ZNF626: variants seen among roughly 807,000 people sequenced by gnomAD.
The protein encoded by ZNF626 is CTC-513N18.7.
In ZNF626, 4 loss-of-function variants were observed where a neutral mutation model predicts 11.7. That is an observed-to-expected ratio of 0.34 (90% CI 0.17 to 0.78). The LOEUF (loss-of-function observed/expected upper bound fraction) is 0.78. Among genes scored for constraint, ZNF626 ranks in the 30% least tolerant of loss-of-function variants. ZNF626 has a pLI of 0.57. For synonymous variants in ZNF626, 179 were observed against 198.6 expected (o/e 0.90, Z 0.83); for missense variants, 588 against 587.1 (o/e 1.00, Z -0.01).
chr19:20,654,206 C>T (rs1037305788), intron 1 of ZNF626, among the ~76,000 whole-genome samples: 3 of 150,866 alleles, frequency 2.0e-5, no homozygotes, highest in Non-Finnish European at 4.4e-5. Flanking sequence ...TTTGGGAGGC[C>T]GAGGCAGGTG....
intron 1 of ZNF626, among the ~76,000 whole-genome samples, chr19:20,652,232 G>A (rs1233611533): frequency 2.0e-5 from 3 of 150,508 alleles, no homozygotes; most frequent in African/African-American, 4.9e-5. Context: ...AGCAAGTGGA[G>A]TACAAACGAA....
chr19:20,654,901 A>G (rs974648549), intron 1 of ZNF626, among the ~76,000 whole-genome samples: 8 of 152,100 alleles, frequency 5.3e-5, no homozygotes, highest in African/African-American at 9.7e-5. Context: ...ACCTGAGGTC[A>G]GCAGTTCAAG....
intron 3 of ZNF626, among the ~76,000 whole-genome samples, chr19:20,644,281 T>C (rs1181342395): frequency 6.6e-6 from 1 of 152,230 alleles, no homozygotes; most frequent in Admixed American, 6.5e-5. Context: ...CACATCCTGA[T>C]TTAAGGCCCA....
chr19:20,655,088 G>A (rs994357341), intron 1 of ZNF626, among the ~76,000 whole-genome samples: 1 of 147,580 alleles, frequency 6.8e-6, no homozygotes, highest in African/African-American at 2.6e-5. Context: ...CTCCAGCCTC[G>A]GCAACAGAGT....
chr19:20,649,770 G>C (rs944060359), intron 1 of ZNF626, among the ~76,000 whole-genome samples: 4 of 152,266 alleles, frequency 2.6e-5, no homozygotes, highest in Middle Eastern at 3.4e-3. Context: ...GTTTGAAAAG[G>C]GTCCATGAAT....
chr19:20,651,282 C>A (rs1970143468), intron 1 of ZNF626, among the ~76,000 whole-genome samples: 1 of 151,228 alleles, frequency 6.6e-6, no homozygotes, highest in Non-Finnish European at 1.5e-5. Flanking sequence ...TATAAAGTGG[C>A]AAATAATGTC....
chr19:20,623,771 A>C lies in ZNF626; in HGVS notation c.*519T>G, dbSNP rs12150926. On this transcript the variant is annotated 3_prime_UTR_variant, in exon 4 of 4. Transcript: ENST00000601440. ...CCGAGACTGTGCTATTGCACACCAG[A>C]CTGGGTGACAAGAGTTGAAACTCCA... 201,679 of 247,304 alleles carry C rather than the reference A, an allele frequency of 0.82. 83,521 individuals are homozygous for C. Among genetic ancestry groups the C allele is most frequent in the Admixed American group, 0.87 (17,003 of 19,504 alleles). 15.3% of individuals were successfully genotyped at this position (247,304 alleles called of 1,614,324 possible).
chr19:20,637,723 C>T (rs1206807872), intron 3 of ZNF626, among the ~76,000 whole-genome samples: 1 of 150,460 alleles, frequency 6.6e-6, no homozygotes, highest in East Asian at 2.0e-4. Context: ...CATGCCAGTA[C>T]AAAATTAAAT....
chr19:20,625,108 AG>A lies in ZNF626; in HGVS notation c.768del (p.Tyr257ThrfsTer21). The A allele has an allele frequency of 6.2e-7, 1 of 1,613,294 alleles. No homozygotes were observed. The highest frequency in any genetic ancestry group is 1.1e-5 in the South Asian group (1 of 91,012). On this transcript the variant is annotated frameshift_variant, in exon 4 of 4. Coordinates refer to ENST00000601440, the MANE Select transcript of ZNF626 (RefSeq NM_001076675.3). LOFTEE classifies it low-confidence loss of function (END_TRUNC). Reference sequence around the variant, plus strand: ...GCTTTGCCACATTTATCACACTTGTAGGGTTTCTCTCCAGTATGATTTCTCT... The same window carrying A: ...GCTTTGCCACATTTATCACACTTGTAGGTTTCTCTCCAGTATGATTTCTCT... ...THKRNHTGEK[P>X]YKCDKCGKAF...
chr19:20,645,561 T>C, intron 3 of ZNF626, 123 bp downstream of exon 3: 1 of 1,551,510 alleles, frequency 6.4e-7, no homozygotes. Context: ...AAAAAATAGC[T>C]GCCCAAGAAC....
In ZNF626 at chr19:20,624,674, T is replaced by G. The variant is rs782055357; in HGVS notation, c.1203A>C (p.Glu401Asp). The change falls in exon 4 of 4, where the codon GAA (glutamate) becomes GAC (aspartate). Residue 401 changes from glutamate to aspartate, a missense_variant. Glu to Asp is a conservative substitution (Grantham distance 45). Transcript: ENST00000601440. ...HTGEKPYKCE[E>D]CGKAFKYSSN... is the part of the protein sequence containing the mutation. ...AGGAGTACTTAAAAGCTTTGCCACA[T>G]TCTTCACATTTGTAGGGTTTCTCTC... is the stretch of plus-strand genomic sequence containing the variant. The G allele has an allele frequency of 5.0e-6, 8 of 1,612,102 alleles. No individual in the cohort carries two copies. In the African/African-American group the frequency reaches 6.7e-5, roughly 13 times the overall value.
In ZNF626 at chr19:20,644,470, C is replaced by A. The variant is rs200186854; in HGVS notation, c.226+1214G>T. 2.6e-5 allele frequency among the ~76,000 whole-genome samples: 4 copies of A among 152,298 alleles called. No homozygotes were observed. The East Asian group carries it at 5.8e-4, about 22-fold the overall frequency. ...CAGCAGCCTTGTGACCAAGCTACAA[C>A]CCCTCTTCACTACAAATTCAGAGGG... is the stretch of plus-strand genomic sequence containing the variant. On this transcript the variant is annotated intron_variant, in intron 3 of 3. Transcript: ENST00000601440.
intron 3 of ZNF626, among the ~76,000 whole-genome samples, chr19:20,635,355 C>T (rs1969954848): frequency 6.6e-6 from 1 of 152,162 alleles, no homozygotes; most frequent in Admixed American, 6.5e-5. Context: ...ATACTTGTCA[C>T]TCTAACTCTC....
intron 1 of ZNF626, among the ~76,000 whole-genome samples, chr19:20,652,695 T>C (rs981748629): frequency 6.6e-6 from 1 of 152,166 alleles, no homozygotes; most frequent in Non-Finnish European, 1.5e-5. Flanking sequence ...GTCTCTGAGT[T>C]TGATAACTAA....
Position 20,625,412 on chromosome 19 carries a change from A to G in ZNF626, c.465T>C (p.His155=). 6.2e-7 allele frequency: 1 copy of G among 1,614,104 alleles called. No individual in the cohort carries two copies. Residue 155 remains histidine, a synonymous_variant, in exon 4 of 4, where the codon CAT becomes CAC. Coordinates refer to ENST00000601440, the MANE Select transcript of ZNF626 (RefSeq NM_001076675.3). ...TTTGTCCGTTTGAATTTGGAAATTG[A>G]TGAAGGACTTTCACATATTTATCAC... The part of the protein sequence containing the change: ...CQCDKYVKVL[H]QFPNSNGQKR...
chr19:20,641,919 A>G (rs1282336346), intron 3 of ZNF626, among the ~76,000 whole-genome samples: 1 of 117,608 alleles, frequency 8.5e-6, no homozygotes, highest in Non-Finnish European at 1.7e-5. Context: ...TTTTAAAACA[A>G]TGTTTAAAAA....
intron 3 of ZNF626, among the ~76,000 whole-genome samples, chr19:20,628,698 G>T (rs192719132): frequency 6.6e-6 from 1 of 152,270 alleles, no homozygotes; most frequent in East Asian, 1.9e-4. Flanking sequence ...TGTCAGATGA[G>T]CAGGTTGCAA....
intron 1 of ZNF626, among the ~76,000 whole-genome samples, chr19:20,647,334 T>C (rs1555772020): frequency 6.6e-6 from 1 of 152,120 alleles, no homozygotes; most frequent in Non-Finnish European, 1.5e-5. Context: ...CCAGATTAAA[T>C]GTGATGGTTT....
rs549734656 is a variant in ZNF626 at position 20,625,486 on chromosome 19, T to G, written c.391A>C (p.Asn131His). 1 of 1,614,082 alleles carries G rather than the reference T, an allele frequency of 6.2e-7. No individual in the cohort carries two copies. The highest frequency in any genetic ancestry group is 8.5e-7 in the Non-Finnish European group (1 of 1,180,000). Residue 131 changes from asparagine to histidine, a missense_variant, in exon 4 of 4, where the codon AAT becomes CAT. Physicochemically the swap from Asn to His is moderately conservative, Grantham distance 68. This residue lies in a region of ZNF626 where 524 missense variants were observed against 470.1 expected (regional missense o/e 1.11). Transcript: ENST00000601440. The part of the protein sequence containing the change: ...DECKVHKEGY[N>H]ELNQCLTTTP... ...GTTGTCAAACATTGGTTAAGTTCAT[T>G]ATAACCTTCTTTGTGCACCTTACAC...
Sources: gnomAD v4.1 joint callset for allele counts (sites outside exome capture counted in the v4.1 genomes callset) on GRCh38, gnomAD v4.1.1 for gene constraint, gnomAD v4.1.1 regional missense constraint, MANE v1.5 for transcripts, NCBI Gene and HGNC (gene_info 2026-07-23, HGNC 2026-07-21) for gene names.